Variants in NRXN3 observed in about 807,000 individuals in gnomAD.
NRXN3 encodes the protein neurexin 3.
A neutral mutation model predicts 137.6 loss-of-function variants in NRXN3; 32 were observed. That is an observed-to-expected ratio of 0.23 (90% CI 0.18 to 0.31). NRXN3 has a LOEUF of 0.31. Ranked by LOEUF, NRXN3 falls within the 10% of genes least tolerant of loss-of-function variation. NRXN3 has a pLI of 1.00. For missense variants in NRXN3, 1,574 were observed against 2,062.5 expected (o/e 0.76, Z 4.59); for synonymous variants, 798 against 784.5 (o/e 1.02, Z -0.29).
At chr14:78,999,607 C>T (rs1354579309) in intron 15 of NRXN3, among the ~76,000 whole-genome samples, 1 of 152,154 alleles carries the variant, frequency 6.6e-6, no homozygotes, top group Non-Finnish European at 1.5e-5. Context: ...AAATTTCCTT[C>T]TTCAGATAAA....
At chr14:79,395,506 T>TA (rs902615261) in intron 15 of NRXN3, among the ~76,000 whole-genome samples, 1 of 151,638 alleles carries the variant, frequency 6.6e-6, no homozygotes, top group South Asian at 2.1e-4. Flanking sequence ...TGTGTGTGTA[T>TA]AAAAAAAATG....
intron 15 of NRXN3, among the ~76,000 whole-genome samples, chr14:79,148,028 A>G (rs2059453892): frequency 6.6e-6 from 1 of 152,102 alleles, no homozygotes; most frequent in Non-Finnish European, 1.5e-5. Flanking sequence ...TCATTTATTC[A>G]TGACAGAATC....
chr14:79,551,876 G>A (rs2097375790), intron 16 of NRXN3, among the ~76,000 whole-genome samples: 1 of 152,186 alleles, frequency 6.6e-6, no homozygotes, highest in Non-Finnish European at 1.5e-5. Flanking sequence ...TTTGATGTCA[G>A]AAGAAGCTAC....
intron 15 of NRXN3, among the ~76,000 whole-genome samples, chr14:79,225,872 G>A (rs746233827): frequency 5.3e-5 from 8 of 151,954 alleles, no homozygotes; most frequent in Non-Finnish European, 7.4e-5. Flanking sequence ...GCTTCTAGAG[G>A]CTACTGTATT....
intron 16 of NRXN3, among the ~76,000 whole-genome samples, chr14:79,563,679 A>G (rs76021730): frequency 0.012 from 1,745 of 143,794 alleles, 33 homozygotes; most frequent in African/African-American, 0.042. Context: ...AAAAAAAAAA[A>G]GGAGAAAGCA....
intron 8 of NRXN3, among the ~76,000 whole-genome samples, chr14:78,801,448 T>C (rs956172099): frequency 2.0e-5 from 3 of 152,170 alleles, no homozygotes; most frequent in Non-Finnish European, 4.4e-5. Flanking sequence ...AGCTGGCATC[T>C]TTTTCACAAG....
intron 16 of NRXN3, among the ~76,000 whole-genome samples, chr14:79,523,802 G>C (rs1237106169): frequency 6.6e-6 from 1 of 152,186 alleles, no homozygotes; most frequent in African/African-American, 2.4e-5. Flanking sequence ...ACCCAGAGCA[G>C]ATTAATAGCC....
At chr14:78,982,257 G>GT (rs1465639106) in intron 14 of NRXN3, among the ~76,000 whole-genome samples, 2 of 151,742 alleles carry the variant, frequency 1.3e-5, no homozygotes, top group Non-Finnish European at 2.9e-5. Flanking sequence ...TTGTTATTTA[G>GT]TTCTTTCTTT....
At chr14:78,975,960 G>A (rs2099464351) in intron 14 of NRXN3, among the ~76,000 whole-genome samples, 1 of 152,014 alleles carries the variant, frequency 6.6e-6, no homozygotes, top group African/African-American at 2.4e-5. Context: ...ATCCACGGGA[G>A]GGAGGTTGCC....
At chr14:79,599,353 A>T (rs555619860) in intron 16 of NRXN3, among the ~76,000 whole-genome samples, 14 of 152,170 alleles carry the variant, frequency 9.2e-5, no homozygotes, top group Non-Finnish European at 1.6e-4. Flanking sequence ...TCTAGAGTGG[A>T]GATTATTTCT....
At chr14:79,123,280 C>G (rs918076522) in intron 15 of NRXN3, among the ~76,000 whole-genome samples, 2 of 151,966 alleles carry the variant, frequency 1.3e-5, no homozygotes, top group African/African-American at 4.8e-5. Context: ...AAGGAAGAGC[C>G]CCCCACTCTG....
At chr14:79,103,609 TTACTGAAA>T (rs1460058570) in intron 15 of NRXN3, among the ~76,000 whole-genome samples, 1 of 152,132 alleles carries the variant, frequency 6.6e-6, no homozygotes, top group Non-Finnish European at 1.5e-5. Context: ...CCAGTGACTT[TTACTGAAA>T]TACAAGTCTC....
At chr14:78,188,800 C>T (rs1273507585) in intron 1 of NRXN3, among the ~76,000 whole-genome samples, 1 of 152,138 alleles carries the variant, frequency 6.6e-6, no homozygotes, top group Non-Finnish European at 1.5e-5. Flanking sequence ...GTCATACCTA[C>T]CCTACGGATT....
chr14:78,208,342 GACACTGTGCCTGC>G (rs1438544682), intron 1 of NRXN3, among the ~76,000 whole-genome samples: 2 of 152,124 alleles, frequency 1.3e-5, no homozygotes, highest in African/African-American at 2.4e-5. Flanking sequence ...TCCTGCCCTT[GACACTGTGCCTGC>G]AATAAAACTC....
At chr14:79,833,208 T>C (rs1423401918) in intron 20 of NRXN3, among the ~76,000 whole-genome samples, 2 of 152,178 alleles carry the variant, frequency 1.3e-5, no homozygotes, top group African/African-American at 4.8e-5. Context: ...TGCTGATGAA[T>C]ATCAAACTAC....
chr14:78,403,732 A>T, intron 4 of NRXN3: 1 of 985,366 alleles, frequency 1.0e-6, no homozygotes, highest in Non-Finnish European at 1.2e-6. Context: ...GAGATTATCA[A>T]TTGCTCCGGG....
intron 4 of NRXN3, among the ~76,000 whole-genome samples, chr14:78,387,343 C>T (rs1369867004): frequency 6.6e-6 from 1 of 152,096 alleles, no homozygotes; most frequent in Non-Finnish European, 1.5e-5. Context: ...GGTTATAGGG[C>T]AGAAGATGGT....
In NRXN3 at chr14:78,742,252, G is replaced by T. The variant is rs941425944; in HGVS notation, c.2044+27113G>T. 4.6e-5 allele frequency among the ~76,000 whole-genome samples: 7 copies of T among 152,140 alleles called. No homozygotes were observed. In the South Asian group the frequency reaches 6.2e-4, roughly 14 times the overall value. On this transcript the variant is annotated intron_variant, in intron 8 of 20. Transcript: ENST00000335750. ...GCCATGGGAGAAAACACACACACAAGCCTACGTGCTTTCTCCAAAACTTGG... is the reference window on the plus strand; with the variant it reads ...GCCATGGGAGAAAACACACACACAATCCTACGTGCTTTCTCCAAAACTTGG...
At chr14:78,322,624 G>A (rs564542248) in intron 4 of NRXN3, among the ~76,000 whole-genome samples, 19 of 151,994 alleles carry the variant, frequency 1.3e-4, no homozygotes, top group African/African-American at 4.6e-4. Flanking sequence ...AGAAGATAAA[G>A]TTCAAGCTCC....
Sources: gnomAD v4.1 joint callset for allele counts (sites outside exome capture counted in the v4.1 genomes callset) on GRCh38, gnomAD v4.1.1 for gene constraint, MANE v1.5 for transcripts, NCBI Gene and HGNC (gene_info 2026-07-23, HGNC 2026-07-21) for gene names.